The following HIVEP3 variants were observed in gnomAD, a reference collection of about 807,000 sequenced individuals.
HIVEP3 encodes the protein HIVEP zinc finger 3.
A neutral mutation model predicts 152.8 loss-of-function variants in HIVEP3; 49 were observed. The observed-to-expected ratio is 0.32, with a 90% CI of 0.26 to 0.41. HIVEP3 has a LOEUF of 0.41. Ranked by LOEUF, HIVEP3 falls within the 10% of genes least tolerant of loss-of-function variation. The pLI, the probability that HIVEP3 is intolerant of heterozygous loss-of-function variation, is 1.00. For missense variants in HIVEP3, 2,790 were observed against 3,103.3 expected, an observed-to-expected ratio of 0.90 and a Z score of 2.40; for synonymous variants, 1,269 against 1,289.0, an observed-to-expected ratio of 0.98 and a Z score of 0.33.
chr1:41,936,477 T>G (rs1452167276), intron 1 of HIVEP3, among the ~76,000 whole-genome samples: 1 of 152,170 alleles, frequency 6.6e-6, no homozygotes, highest in African/African-American at 2.4e-5. Context: ...CTGCAATAAC[T>G]TGTGTCAACA....
chr1:41,805,912 C>T (rs1650577840), intron 1 of HIVEP3, among the ~76,000 whole-genome samples: 2 of 152,144 alleles, frequency 1.3e-5, no homozygotes, highest in Non-Finnish European at 2.9e-5. Flanking sequence ...TGCACGCACA[C>T]ACATCTCCTC....
intron 2 of HIVEP3, among the ~76,000 whole-genome samples, chr1:41,683,372 C>G (rs1020721252): frequency 6.6e-6 from 1 of 152,196 alleles, no homozygotes; most frequent in Non-Finnish European, 1.5e-5. Context: ...AGGCAACCCC[C>G]TAGGCCCTGT....
In HIVEP3 at chr1:41,858,885, T is replaced by C. The variant is rs552894619; in HGVS notation, c.-801+59528A>G. Among the ~76,000 whole-genome samples, 14 of 152,156 alleles carry C rather than the reference T, an allele frequency of 9.2e-5. No homozygotes were observed. In the South Asian group the frequency reaches 2.3e-3, roughly 25 times the overall value. ...AGGGGGTGCCTGGGCAGACAGAATGTCAAGTGCAAAGCTTCCGAGGCAGGA... is the reference window on the plus strand; with the variant it reads ...AGGGGGTGCCTGGGCAGACAGAATGCCAAGTGCAAAGCTTCCGAGGCAGGA... On this transcript the variant is annotated intron_variant, in intron 1 of 8. Transcript: ENST00000372583.
At position 41,583,250 on chromosome 1, in the gene HIVEP3, G is replaced by A. The variant is rs769481902; in HGVS notation, c.1548C>T (p.Thr516=). Residue 516 remains threonine, a synonymous_variant, in exon 4 of 9, where the codon ACC becomes ACT. Transcript: ENST00000372583. This position sits in a 1 kb window ranked among gnomAD's most constrained non-coding sequence, Gnocchi z 6.9. ...GGCTCAGCAGTGATTGTTCAGGCTT[G>A]GTTTTCTCACTGTGGGATGACAGGG... is the stretch of plus-strand genomic sequence containing the variant. ...REPLSSHSEK[T]KPEQSLLSLQ... 6.2e-7 allele frequency: 1 copy of A among 1,613,138 alleles called. No homozygotes were observed. The highest frequency in any genetic ancestry group is 2.2e-5 in the East Asian group (1 of 44,852).
intron 1 of HIVEP3, among the ~76,000 whole-genome samples, chr1:41,806,685 C>T (rs776860188): frequency 7.2e-4 from 110 of 152,222 alleles, no homozygotes; most frequent in Non-Finnish European, 1.1e-3. Context: ...AACTGTGCTT[C>T]CCCTCTGTGG....
Position 41,513,724 on chromosome 1 carries a change from A to C in HIVEP3, c.5497T>G (p.Ser1833Ala). ...EGTSDDLFQD[S>A]EGREGSEAVE... ...GCCTCTGAACCCTCTCGTCCTTCCG[A>C]GTCCTGGAACAGGTCGTCACTGGTT... Residue 1833 changes from serine (S) to alanine (A), a missense_variant, in exon 8 of 9, where the codon TCG becomes GCG. By Grantham distance (99) the Ser-to-Ala change is moderately conservative. Around this residue, in one of 9 missense-constraint regions of HIVEP3, gnomAD observed 816 missense variants for 806.5 expected, o/e 1.01. Coordinates refer to ENST00000372583, the MANE Select transcript of HIVEP3 (RefSeq NM_024503.5). 1.9e-6 allele frequency: 3 copies of C among 1,587,616 alleles called. No individual in the cohort carries two copies. In the Middle Eastern group the frequency reaches 5.1e-4, roughly 269 times the overall value.
Position 41,511,206 on chromosome 1 carries a change from G to A in HIVEP3, c.6466C>T (p.Arg2156Ter), listed in dbSNP as rs747204152. The A allele has an allele frequency of 5.0e-6, 8 of 1,613,898 alleles. No homozygotes were observed. Among genetic ancestry groups the A allele is most frequent in the South Asian group, 2.2e-5 (2 of 91,076 alleles). ...SPGPAHPLSS[R>*]PFSALHDFHG... ...AAGTCATGGAGGGCGGAGAAGGGTC[G>A]GGAGGAGAGAGGATGAGCAGGGCCG... is the stretch of plus-strand genomic sequence containing the variant. The change falls in exon 9 of 9, where the codon CGA becomes TGA. Residue 2156 changes from arginine (R) to a stop codon, truncating the protein, a stop_gained. Transcript: ENST00000372583. LOFTEE classifies it high-confidence loss of function. This position sits in a 1 kb window ranked among gnomAD's most constrained non-coding sequence, Gnocchi z 4.9.
intron 1 of HIVEP3, among the ~76,000 whole-genome samples, chr1:41,754,918 A>T (rs1031445020): frequency 6.6e-6 from 1 of 152,264 alleles, no homozygotes; most frequent in African/African-American, 2.4e-5. Flanking sequence ...AGTTTAAATT[A>T]GTACCACCTT....
intron 1 of HIVEP3, among the ~76,000 whole-genome samples, chr1:41,809,275 T>C (rs1286416870): frequency 6.6e-6 from 1 of 152,254 alleles, no homozygotes; most frequent in Admixed American, 6.5e-5. Flanking sequence ...CCTTCATTGT[T>C]GACGGCTCAG....
chr1:41,810,551 C>T (rs780376770), intron 1 of HIVEP3, among the ~76,000 whole-genome samples: 1 of 152,216 alleles, frequency 6.6e-6, no homozygotes, highest in Admixed American at 6.5e-5. Flanking sequence ...AAGCCCACAC[C>T]AGTAGGGGCT....
intron 2 of HIVEP3, among the ~76,000 whole-genome samples, chr1:41,668,933 G>A (rs4660553): frequency 0.077 from 11,750 of 152,172 alleles, 1,000 homozygotes; most frequent in East Asian, 0.4. Flanking sequence ...CACCTGGAAG[G>A]CTTTCTCCTG....
At chr1:41,656,264 A>G (rs2124031623) in intron 2 of HIVEP3, among the ~76,000 whole-genome samples, 1 of 152,320 alleles carries the variant, frequency 6.6e-6, no homozygotes, top group South Asian at 2.1e-4. Context: ...TTCACTCAGC[A>G]CTTGCACATC....
intron 1 of HIVEP3, among the ~76,000 whole-genome samples, chr1:41,702,115 T>C (rs1222858168): frequency 2.0e-5 from 3 of 151,984 alleles, no homozygotes; most frequent in South Asian, 2.1e-4. Context: ...GTAAATGAGA[T>C]AGTAGAAAGC....
Position 41,683,519 on chromosome 1 carries a change from G to C in HIVEP3, c.-721+17397C>G, listed in dbSNP as rs541550776. 3.3e-5 allele frequency among the ~76,000 whole-genome samples: 5 copies of C among 152,290 alleles called. No homozygotes were observed. In the South Asian group the frequency reaches 1.0e-3, roughly 32 times the overall value. On this transcript the variant is annotated intron_variant, in intron 2 of 8. Coordinates refer to ENST00000372583, the MANE Select transcript of HIVEP3 (RefSeq NM_024503.5). ...TGACTTCAGAATATGGAGTCCTTAG[G>C]GATAAGTTTTATAAACAGGTTTGGA...
intron 3 of HIVEP3, among the ~76,000 whole-genome samples, chr1:41,601,953 G>T (rs1644753889): frequency 1.3e-5 from 2 of 152,108 alleles, no homozygotes; most frequent in Non-Finnish European, 2.9e-5. Context: ...GATCAAAAAG[G>T]GTGTGTTGAA....
chr1:41,649,786 A>T (rs1026896189), intron 2 of HIVEP3, among the ~76,000 whole-genome samples: 4 of 152,180 alleles, frequency 2.6e-5, no homozygotes, highest in Admixed American at 1.3e-4. Context: ...CATCTTCATG[A>T]AGACAGGAAA....
At chr1:41,785,705 T>G (rs1415963166) in intron 1 of HIVEP3, among the ~76,000 whole-genome samples, 1 of 152,142 alleles carries the variant, frequency 6.6e-6, no homozygotes, top group Non-Finnish European at 1.5e-5. Context: ...CATAGAAAAA[T>G]TCTTCTCTGG....
At chr1:41,748,760 G>C (rs1570452828) in intron 1 of HIVEP3, among the ~76,000 whole-genome samples, 2 of 152,252 alleles carry the variant, frequency 1.3e-5, no homozygotes, top group Admixed American at 1.3e-4. Context: ...CTAAGACACA[G>C]ATATTGGTCA....
intron 1 of HIVEP3, among the ~76,000 whole-genome samples, chr1:41,852,759 A>G (rs7552849): frequency 0.35 from 52,805 of 152,068 alleles, 9,340 homozygotes; most frequent in Non-Finnish European, 0.38. Flanking sequence ...TGACCCAGTT[A>G]CTCCCAAACT....
Sources: gnomAD v4.1 joint callset for allele counts (sites outside exome capture counted in the v4.1 genomes callset) on GRCh38, gnomAD v4.1.1 for gene constraint, gnomAD v4.1.1 regional missense constraint, Gnocchi (gnomAD v3.1) non-coding constraint, MANE v1.5 for transcripts, NCBI Gene and HGNC (gene_info 2026-07-23, HGNC 2026-07-21) for gene names.